GPC5: variants seen among roughly 807,000 people sequenced by gnomAD.
The protein encoded by GPC5 is glypican-5.
A neutral mutation model predicts 53.9 loss-of-function variants in GPC5; 47 were observed. That is an observed-to-expected ratio of 0.87 (90% confidence interval 0.69 to 1.11). GPC5 has a LOEUF of 1.11. Ranked by LOEUF, GPC5 falls within the 50% of genes most tolerant of loss-of-function variation. The probability of loss-of-function intolerance (pLI) is 0.00; values close to 1 mark genes in which losing one functional copy is unlikely to be tolerated. For missense variants in GPC5, 748 were observed against 713.1 expected (o/e 1.05, Z -0.56); for synonymous variants, 286 against 263.3 (o/e 1.09, Z -0.84).
At chr13:91,800,608 A>G (rs186114498) in intron 5 of GPC5, among the ~76,000 whole-genome samples, 86 of 152,278 alleles carry the variant, frequency 5.6e-4, no homozygotes, top group African/African-American at 2.0e-3. Context: ...ATTTTTGTGC[A>G]GAGTACATAA....
At chr13:92,456,902 A>G (rs1300285828) in intron 7 of GPC5, among the ~76,000 whole-genome samples, 4 of 152,116 alleles carry the variant, frequency 2.6e-5, no homozygotes, top group Non-Finnish European at 4.4e-5. Flanking sequence ...TTGTTACATG[A>G]GCACCTAGCA....
intron 6 of GPC5, among the ~76,000 whole-genome samples, chr13:91,991,514 A>G (rs1594710248): frequency 1.3e-5 from 2 of 152,162 alleles, no homozygotes. Flanking sequence ...ATATTTTCAT[A>G]AAGTGCAAAG....
At chr13:91,714,344 G>A (rs1002908703) in intron 3 of GPC5, among the ~76,000 whole-genome samples, 1 of 152,160 alleles carries the variant, frequency 6.6e-6, no homozygotes, top group African/African-American at 2.4e-5. Flanking sequence ...CCAACTGGGG[G>A]ATTGTTGAAT....
intron 7 of GPC5, among the ~76,000 whole-genome samples, chr13:92,740,271 T>G (rs1387354274): frequency 1.3e-5 from 2 of 152,066 alleles, no homozygotes; most frequent in Non-Finnish European, 2.9e-5. Context: ...CTTACATAAA[T>G]GAAGCACCAT....
chr13:92,423,903 T>C (rs16947583), intron 7 of GPC5, among the ~76,000 whole-genome samples: 43,638 of 151,956 alleles, frequency 0.29, 7,274 homozygotes, highest in East Asian at 0.61. Flanking sequence ...GTTAAACAGA[T>C]AAAAATTTAT....
At chr13:92,572,561 G>C (rs966915954) in intron 7 of GPC5, among the ~76,000 whole-genome samples, 1 of 152,106 alleles carries the variant, frequency 6.6e-6, no homozygotes, top group Non-Finnish European at 1.5e-5. Flanking sequence ...AGGCAAAAAA[G>C]GGGGTTTCTT....
chr13:91,851,324 A>G (rs2038910520), intron 5 of GPC5, among the ~76,000 whole-genome samples: 1 of 152,064 alleles, frequency 6.6e-6, no homozygotes, highest in Non-Finnish European at 1.5e-5. Flanking sequence ...AAAGGTAAAT[A>G]AAAAATACAC....
At chr13:91,576,221 T>C (rs2032128733) in intron 2 of GPC5, among the ~76,000 whole-genome samples, 2 of 152,096 alleles carry the variant, frequency 1.3e-5, no homozygotes, top group Non-Finnish European at 2.9e-5. Context: ...CAATGTATTG[T>C]ATGCTTGAAA....
At chr13:92,316,553 T>G (rs1265191169) in intron 7 of GPC5, among the ~76,000 whole-genome samples, 1 of 152,098 alleles carries the variant, frequency 6.6e-6, no homozygotes. Context: ...AAAAGTACAA[T>G]AAAACTAAGG....
At chr13:91,645,379 C>G (rs1594373965) in intron 2 of GPC5, among the ~76,000 whole-genome samples, 1 of 152,146 alleles carries the variant, frequency 6.6e-6, no homozygotes, top group African/African-American at 2.4e-5. Flanking sequence ...TCTTGACTTT[C>G]ATCAAGCTTT....
At chr13:91,719,452 T>G (rs7999708) in intron 3 of GPC5, among the ~76,000 whole-genome samples, 305 of 152,204 alleles carry the variant, frequency 2.0e-3, no homozygotes, top group African/African-American at 7.2e-3. Context: ...TCTGATTTCT[T>G]CTGCCTTCTC....
At chr13:91,819,207 T>C (rs1399072149) in intron 5 of GPC5, among the ~76,000 whole-genome samples, 2 of 124,030 alleles carry the variant, frequency 1.6e-5, no homozygotes, top group Admixed American at 1.1e-4. Context: ...TCGCCTGGGC[T>C]GGAATGCAGT....
At chr13:92,437,385 C>T (rs1877350160) in intron 7 of GPC5, among the ~76,000 whole-genome samples, 1 of 152,020 alleles carries the variant, frequency 6.6e-6, no homozygotes, top group South Asian at 2.1e-4. Flanking sequence ...TGAGAAGCTC[C>T]TGGCCTAGAG....
intron 5 of GPC5, among the ~76,000 whole-genome samples, chr13:91,828,895 A>G (rs2038614837): frequency 2.0e-5 from 3 of 151,982 alleles, no homozygotes; most frequent in South Asian, 4.1e-4. Context: ...TTGTAGGTAT[A>G]ATAATAATAA....
intron 5 of GPC5, among the ~76,000 whole-genome samples, chr13:91,882,084 A>C (rs1052293123): frequency 1.3e-5 from 2 of 152,136 alleles, no homozygotes; most frequent in Non-Finnish European, 1.5e-5. Flanking sequence ...TATTCTTTTA[A>C]AAAAGAGATA....
intron 7 of GPC5, among the ~76,000 whole-genome samples, chr13:92,346,286 C>T (rs1477185745): frequency 6.6e-6 from 1 of 152,166 alleles, no homozygotes; most frequent in Admixed American, 6.5e-5. Flanking sequence ...CCCTGCTCAA[C>T]TGCAGATCCC....
chr13:92,017,813 T>C (rs1215261934), intron 6 of GPC5, among the ~76,000 whole-genome samples: 3 of 148,284 alleles, frequency 2.0e-5, no homozygotes, highest in Admixed American at 6.7e-5. Flanking sequence ...CACGCATGAG[T>C]ACACACACGC....
At chr13:92,854,111 A>G (rs1878905559) in intron 7 of GPC5, among the ~76,000 whole-genome samples, 1 of 151,412 alleles carries the variant, frequency 6.6e-6, no homozygotes, top group African/African-American at 2.4e-5. Context: ...TTTTTGCCTT[A>G]ATATATGCTC....
intron 7 of GPC5, among the ~76,000 whole-genome samples, chr13:92,375,018 T>C (rs1181901304): frequency 1.3e-5 from 2 of 152,238 alleles, no homozygotes; most frequent in East Asian, 3.9e-4. Context: ...AATACTTGAG[T>C]TCGTTGCAGT....
Sources: allele counts gnomAD v4.1 joint callset (sites outside exome capture counted in the v4.1 genomes callset), GRCh38; gene constraint gnomAD v4.1.1; transcripts MANE v1.5; gene names NCBI Gene and HGNC (gene_info 2026-07-23, HGNC 2026-07-21).